The following CSNK2A2 variants were observed in gnomAD, a reference collection of about 807,000 sequenced individuals.
The protein encoded by CSNK2A2 is casein kinase II subunit alpha'.
A neutral mutation model predicts 54.0 loss-of-function variants in CSNK2A2; 8 were observed. The observed-to-expected ratio is 0.15, with a 90% CI of 0.09 to 0.27. CSNK2A2 has a LOEUF of 0.27. Ranked by LOEUF, CSNK2A2 falls within the 10% of genes least tolerant of loss-of-function variation. The pLI is 1.00. For missense variants in CSNK2A2, 242 were observed against 439.4 expected (o/e 0.55, Z 4.02); for synonymous variants, 141 against 153.9 (o/e 0.92, Z 0.62).
chr16:58,177,115 A>G (rs1597116659), intron 4 of CSNK2A2, among the ~76,000 whole-genome samples: 1 of 152,222 alleles, frequency 6.6e-6, no homozygotes, highest in African/African-American at 2.4e-5. Context: ...AAGTCCTCAC[A>G]CAGCCGAAAA....
At chr16:58,186,058 A>G (rs1468554336) in intron 3 of CSNK2A2, among the ~76,000 whole-genome samples, 1 of 152,260 alleles carries the variant, frequency 6.6e-6, no homozygotes, top group Non-Finnish European at 1.5e-5. Context: ...TCTGAGGTAC[A>G]GCAGGTGGAG....
rs759886053 is a variant in CSNK2A2 at position 58,196,724 on chromosome 16, G to A, written c.216+9C>T. ...GGAAAATGTTACATACCACTCATAG[G>A]ACACTCACCTTCAGGATTTTTACAA... On this transcript the variant is annotated intron_variant, in intron 2 of 11. Transcript: ENST00000262506. 5.1e-6 allele frequency: 8 copies of A among 1,571,696 alleles called. No homozygotes were observed. The highest frequency in any genetic ancestry group is 7.0e-6 in the Non-Finnish European group (8 of 1,141,396).
intron 2 of CSNK2A2, among the ~76,000 whole-genome samples, chr16:58,189,613 C>T (rs1012653130): frequency 6.6e-6 from 1 of 152,226 alleles, no homozygotes; most frequent in African/African-American, 2.4e-5. Flanking sequence ...GGCATAGCAA[C>T]TGAAGCATAT....
At chr16:58,176,585 TTGTAGCTCTGTTCTTCACTG>T (rs1298273098) in intron 4 of CSNK2A2, among the ~76,000 whole-genome samples, 2 of 152,184 alleles carry the variant, frequency 1.3e-5, no homozygotes, top group African/African-American at 4.8e-5. Context: ...CCTCCGACTT[TTGTAGCTCTGTTCTTCACTG>T]TACCCCCAGG....
At chr16:58,191,755 T>C (rs1310904905) in intron 2 of CSNK2A2, among the ~76,000 whole-genome samples, 5 of 152,224 alleles carry the variant, frequency 3.3e-5, no homozygotes, top group African/African-American at 9.6e-5. Context: ...CAACCCTTTC[T>C]ACTATTGGTT....
At chr16:58,166,541 A>C (rs780434165) in intron 9 of CSNK2A2, 43 bp downstream of exon 9, 11 of 1,389,058 alleles carry the variant, frequency 7.9e-6, no homozygotes, top group Non-Finnish European at 1.1e-5. Flanking sequence ...TCCACTTCTG[A>C]AACGGGGTAA....
intron 4 of CSNK2A2, among the ~76,000 whole-genome samples, chr16:58,174,763 T>C (rs1256201526): frequency 1.3e-5 from 2 of 152,240 alleles, no homozygotes; most frequent in Non-Finnish European, 2.9e-5. Flanking sequence ...AGATCTTTCC[T>C]ATTTAATGCT....
chr16:58,160,654 C>A (rs1961314133), intron 11 of CSNK2A2: 1 of 152,234 alleles, frequency 6.6e-6, no homozygotes, highest in Non-Finnish European at 1.5e-5. Flanking sequence ...TGGGCAGCGC[C>A]CTCCCCAGGG....
chr16:58,167,303 A>G lies in CSNK2A2; in HGVS notation c.630T>C (p.Tyr210=). The part of the protein sequence containing the change: ...GPELLVDYQM[Y]DYSLDMWSLG... ...AACTCCACATGTCCAAGCTATAATC[A>G]TACATCTGAGGCAATAAGGACAACG... is the stretch of plus-strand genomic sequence containing the variant. The change falls in exon 8 of 12, where the codon TAT becomes TAC. Residue 210 remains tyrosine, a synonymous_variant. Coordinates refer to ENST00000262506, the MANE Select transcript of CSNK2A2 (RefSeq NM_001896.4). 6.2e-7 allele frequency: 1 copy of G among 1,611,076 alleles called. No homozygotes were observed. The highest frequency in any genetic ancestry group is 2.2e-5 in the East Asian group (1 of 44,798).
intron 4 of CSNK2A2, among the ~76,000 whole-genome samples, chr16:58,180,094 A>G (rs1394994698): frequency 6.6e-6 from 1 of 151,454 alleles, no homozygotes; most frequent in African/African-American, 2.4e-5. Context: ...AAAAAAAAAA[A>G]AGAAAAAGAG....
intron 2 of CSNK2A2, among the ~76,000 whole-genome samples, chr16:58,194,461 C>G (rs1962383576): frequency 6.6e-6 from 1 of 152,162 alleles, no homozygotes; most frequent in Non-Finnish European, 1.5e-5. Context: ...AGAAATGCCA[C>G]CGGGCTTTAA....
chr16:58,161,419 G>C (rs1311702368), intron 11 of CSNK2A2: 1 of 152,100 alleles, frequency 6.6e-6, no homozygotes, highest in African/African-American at 2.4e-5. Context: ...AGATAATGAA[G>C]CAAACAAATG....
chr16:58,186,605 A>G (rs1020606585), intron 3 of CSNK2A2, 150 bp downstream of exon 3: 11 of 564,626 alleles, frequency 1.9e-5, no homozygotes, highest in Admixed American at 3.6e-5. Flanking sequence ...CTGGGTCACC[A>G]TGATTTTTTT....
At chr16:58,187,930 A>G (rs1962232104) in intron 2 of CSNK2A2, among the ~76,000 whole-genome samples, 2 of 152,224 alleles carry the variant, frequency 1.3e-5, no homozygotes, top group Admixed American at 1.3e-4. Flanking sequence ...TAACTAAGGA[A>G]AAAAGAGTAT....
At chr16:58,185,307 C>T (rs1044930949) in intron 3 of CSNK2A2, among the ~76,000 whole-genome samples, 5 of 152,134 alleles carry the variant, frequency 3.3e-5, no homozygotes, top group Admixed American at 6.5e-5. Flanking sequence ...TTCACCAGCC[C>T]GAAGCTGTAA....
At chr16:58,162,339 T>A (rs376235773) in intron 11 of CSNK2A2, 1 of 152,354 alleles carries the variant, frequency 6.6e-6, no homozygotes, top group East Asian at 1.9e-4. Context: ...GTATACAGAA[T>A]GTGCAATGCA....
intron 2 of CSNK2A2, among the ~76,000 whole-genome samples, chr16:58,189,150 G>C (rs571735945): frequency 6.6e-6 from 1 of 151,774 alleles, no homozygotes; most frequent in East Asian, 1.9e-4. Flanking sequence ...GTAGAGACGG[G>C]GTCTCACCAT....
chr16:58,176,308 T>G (rs559079117), intron 4 of CSNK2A2, among the ~76,000 whole-genome samples: 1 of 152,240 alleles, frequency 6.6e-6, no homozygotes, highest in Non-Finnish European at 1.5e-5. Flanking sequence ...ACACCATGCA[T>G]CTGTATAAAT....
chr16:58,195,724 G>C (rs10712297), intron 2 of CSNK2A2, among the ~76,000 whole-genome samples: 2 of 152,078 alleles, frequency 1.3e-5, no homozygotes, highest in Non-Finnish European at 2.9e-5. Flanking sequence ...AAATTTAGCC[G>C]ACCCTTCATG....
Sources: gnomAD v4.1 joint callset for allele counts (sites outside exome capture counted in the v4.1 genomes callset) on GRCh38, gnomAD v4.1.1 for gene constraint, MANE v1.5 for transcripts, NCBI Gene and HGNC (gene_info 2026-07-23, HGNC 2026-07-21) for gene names.